DENND4A: variants seen among roughly 807,000 people sequenced by gnomAD.
The protein encoded by DENND4A is DENN domain containing 4A, also known as C-myc promoter-binding protein.
Under a neutral mutation model 199.3 loss-of-function variants are expected in DENND4A, and 70 were observed. The ratio of observed to expected loss-of-function variants is 0.35; its 90% confidence interval spans 0.29 to 0.43. The LOEUF (loss-of-function observed/expected upper bound fraction) is 0.43, where lower values mean the gene tolerates loss of function less well. DENND4A is among the 20% of genes least tolerant of loss of function. DENND4A has a pLI of 1.00. For synonymous variants in DENND4A, 686 were observed against 766.9 expected (o/e 0.89, Z 1.74); for missense variants, 1,723 against 2,255.8 (o/e 0.76, Z 4.78).
chr15:65,746,682 A>C (rs1033922951), intron 4 of DENND4A, among the ~76,000 whole-genome samples: 6 of 151,696 alleles, frequency 4.0e-5, no homozygotes, highest in African/African-American at 7.3e-5. Flanking sequence ...ACCCGGCTCA[A>C]TTCTACTTTT....
intron 14 of DENND4A, among the ~76,000 whole-genome samples, chr15:65,707,804 G>A (rs1300672210): frequency 6.6e-6 from 1 of 151,648 alleles, no homozygotes; most frequent in East Asian, 1.9e-4. Flanking sequence ...TCATGCCAAA[G>A]CCTCCCAAGT....
chr15:65,705,215 G>A (rs989717609), intron 15 of DENND4A, among the ~76,000 whole-genome samples: 3 of 152,078 alleles, frequency 2.0e-5, no homozygotes. Flanking sequence ...TTTTTCATCT[G>A]TAAAAGGAAG....
intron 20 of DENND4A, among the ~76,000 whole-genome samples, chr15:65,699,714 C>G (rs2077283360): frequency 6.7e-6 from 1 of 149,144 alleles, no homozygotes; most frequent in South Asian, 2.1e-4. Flanking sequence ...GGGTCTCGCT[C>G]TGTCACCCAA....
At chr15:65,711,734 C>A (rs2075257695) in intron 14 of DENND4A, among the ~76,000 whole-genome samples, 1 of 152,162 alleles carries the variant, frequency 6.6e-6, no homozygotes, top group Admixed American at 6.5e-5. Flanking sequence ...GGTGTATCTA[C>A]TGTTTGTATA....
intron 4 of DENND4A, among the ~76,000 whole-genome samples, chr15:65,745,908 C>A (rs1383212443): frequency 6.6e-6 from 1 of 151,498 alleles, no homozygotes; most frequent in Non-Finnish European, 1.5e-5. Flanking sequence ...CCGAGGTGGG[C>A]GGATCACCTG....
Position 65,756,125 on chromosome 15 carries a change from TA to T in DENND4A, c.311+14del. 2 of 1,577,402 alleles carry T rather than the reference TA, an allele frequency of 1.3e-6. No homozygotes were observed. The highest frequency in any genetic ancestry group is 1.2e-5 in the South Asian group (1 of 84,836). On this transcript the variant is annotated intron_variant, in intron 3 of 32. Transcript: ENST00000443035. ...TTTGGATCAATAACAGTAAGTCGTT[TA>T]AAAAAATACTTACCCCAGATCTGTA...
intron 9 of DENND4A, 82 bp downstream of exon 9, chr15:65,731,560 G>T: frequency 9.3e-7 from 1 of 1,070,300 alleles, no homozygotes; most frequent in Non-Finnish European, 1.4e-6. Context: ...ATCAATATTT[G>T]AAATTTTAGC....
At position 65,671,801 on chromosome 15, in the gene DENND4A, A is replaced by G. The variant is rs758870324; in HGVS notation, c.4455T>C (p.Tyr1485=). The change falls in exon 25 of 33, where the codon TAT becomes TAC. Residue 1485 remains tyrosine, a synonymous_variant. Transcript: ENST00000443035. ...TTGCACAAAAGTGTACCTCCATTGC[A>G]TAGTTCTGGAAGATATTTGTATTAC... is the stretch of plus-strand genomic sequence containing the variant. ...NASNTNIFQN[Y]AMEVLISSCS... is the part of the protein sequence containing the mutation. 6.2e-7 allele frequency: 1 copy of G among 1,600,784 alleles called. No individual in the cohort carries two copies. Among genetic ancestry groups the G allele is most frequent in the Non-Finnish European group, 8.6e-7 (1 of 1,167,834 alleles).
chr15:65,685,793 C>T (rs1474575776), intron 23 of DENND4A, among the ~76,000 whole-genome samples: 1 of 152,202 alleles, frequency 6.6e-6, no homozygotes, highest in Non-Finnish European at 1.5e-5. Flanking sequence ...ACTATCATTT[C>T]CCCATTGAAT....
chr15:65,736,629 T>C (rs967876761), intron 7 of DENND4A, among the ~76,000 whole-genome samples: 2 of 152,082 alleles, frequency 1.3e-5, no homozygotes, highest in East Asian at 3.9e-4. Context: ...GCAAATAACC[T>C]GTAAGAAACC....
intron 32 of DENND4A, among the ~76,000 whole-genome samples, 158 bp downstream of exon 32, chr15:65,664,172 C>T (rs1298900236): frequency 6.6e-6 from 1 of 152,140 alleles, no homozygotes; most frequent in African/African-American, 2.4e-5. Flanking sequence ...CAGTCACTCC[C>T]TATTCACCCC....
chr15:65,784,501 C>T (rs1462199048), intron 1 of DENND4A, among the ~76,000 whole-genome samples: 1 of 151,114 alleles, frequency 6.6e-6, no homozygotes, highest in Non-Finnish European at 1.5e-5. Context: ...TATACCTTAA[C>T]TCCCTGTAAC....
chr15:65,717,296 C>T (rs1364889568), intron 13 of DENND4A, among the ~76,000 whole-genome samples: 1 of 152,048 alleles, frequency 6.6e-6, no homozygotes, highest in Non-Finnish European at 1.5e-5. Context: ...ATTATAAAAC[C>T]GGTTGCACTC....
At chr15:65,665,555 A>G (rs2141840754) in intron 29 of DENND4A, 93 bp from the exon 30 acceptor site, 1 of 937,738 alleles carries the variant, frequency 1.1e-6, no homozygotes. Context: ...TTTAGGATGT[A>G]TATGTGCGAG....
rs143611104 is a variant in DENND4A at position 65,769,728 on chromosome 15, G to C, written c.-101-8290C>G. Among the ~76,000 whole-genome samples, 834 of 151,950 alleles carry C rather than the reference G, an allele frequency of 5.5e-3. 6 individuals are homozygous for C. The highest frequency in any genetic ancestry group is 0.019 in the African/African-American group (807 of 41,422). On this transcript the variant is annotated intron_variant, in intron 1 of 32. Transcript: ENST00000443035. ...TTCATTTTAGCAGTTTTATTCAACA[G>C]ATGCCATAAATTAACTACATTCAGA...
At chr15:65,719,870 G>C (rs1383556809) in intron 12 of DENND4A, among the ~76,000 whole-genome samples, 1 of 152,048 alleles carries the variant, frequency 6.6e-6, no homozygotes, top group Non-Finnish European at 1.5e-5. Flanking sequence ...ACTCCAGCCT[G>C]GGTGACACAG....
intron 4 of DENND4A, among the ~76,000 whole-genome samples, chr15:65,746,410 G>A (rs1243360190): frequency 3.7e-5 from 3 of 81,258 alleles, no homozygotes; most frequent in Admixed American, 1.9e-4. Flanking sequence ...TTTTTGAGAC[G>A]GAGTCTCGTT....
chr15:65,744,584 AT>A (rs1177049521), intron 4 of DENND4A, among the ~76,000 whole-genome samples: 1 of 151,616 alleles, frequency 6.6e-6, no homozygotes, highest in Non-Finnish European at 1.5e-5. Flanking sequence ...CCTCTCTTGC[AT>A]TTTTTTTCCT....
At chr15:65,780,126 T>C (rs960642051) in intron 1 of DENND4A, among the ~76,000 whole-genome samples, 6 of 152,088 alleles carry the variant, frequency 3.9e-5, no homozygotes, top group Non-Finnish European at 7.4e-5. Flanking sequence ...TAATGACATA[T>C]TGCGGGCTCG....
Sources: gnomAD v4.1 joint callset for allele counts (sites outside exome capture counted in the v4.1 genomes callset) on GRCh38, gnomAD v4.1.1 for gene constraint, MANE v1.5 for transcripts, NCBI Gene and HGNC (gene_info 2026-07-23, HGNC 2026-07-21) for gene names.